Variants in MTA3 observed in about 807,000 individuals in gnomAD.
MTA3 encodes metastasis associated 1 family member 3.
In MTA3, 34 loss-of-function variants were observed where a neutral mutation model predicts 83.5. The ratio of observed to expected loss-of-function variants is 0.41; its 90% CI spans 0.31 to 0.54. The LOEUF is 0.54. Among genes scored for constraint, MTA3 ranks in the 20% least tolerant of loss-of-function variants. The pLI is 0.33. For missense variants in MTA3, 761 were observed against 726.4 expected, an observed-to-expected ratio of 1.05 and a Z score of -0.55; for synonymous variants, 303 against 252.7, an observed-to-expected ratio of 1.20 and a Z score of -1.89.
At chr2:42,667,616 A>T (rs1158752371) in intron 8 of MTA3, among the ~76,000 whole-genome samples, 13,566 of 67,826 alleles carry the variant, frequency 0.2, 887 homozygotes, top group South Asian at 0.31. Context: ...GTGTATAGAG[A>T]GAGAAAGAGA....
intron 9 of MTA3, among the ~76,000 whole-genome samples, chr2:42,690,060 G>A (rs1692740251): frequency 6.6e-6 from 1 of 152,066 alleles, no homozygotes; most frequent in South Asian, 2.1e-4. Flanking sequence ...ACTGAAGCGA[G>A]AGGATCACTT....
chr2:42,707,927 C>T lies in MTA3; in HGVS notation c.1175C>T (p.Ser392Phe). ...CYATQSHQWY[S>F]WGPPNMQCRL... is the part of the protein sequence containing the mutation. Reference sequence around the variant, plus strand: ...GCTACACAGTCTCACCAGTGGTATTCTTGGGGCCCACCTAATATGCAGTGT... The same window carrying T: ...GCTACACAGTCTCACCAGTGGTATTTTTGGGGCCCACCTAATATGCAGTGT... Residue 392 changes from serine (S) to phenylalanine (F), a missense_variant, in exon 13 of 17, where the codon TCT (serine) becomes TTT (phenylalanine). Physicochemically the swap from Ser to Phe is radical, Grantham distance 155 (BLOSUM62 -2). Coordinates refer to ENST00000405094, the MANE Select transcript of MTA3 (RefSeq NM_001330442.2). 6.2e-7 allele frequency: 1 copy of T among 1,600,452 alleles called. No individual in the cohort carries two copies. Among genetic ancestry groups the T allele is most frequent in the Non-Finnish European group, 8.5e-7 (1 of 1,175,760 alleles).
At chr2:42,606,878 G>C (rs928225038) in intron 3 of MTA3, among the ~76,000 whole-genome samples, 1 of 147,808 alleles carries the variant, frequency 6.8e-6, no homozygotes, top group African/African-American at 2.5e-5. Context: ...AGGGGCTGGA[G>C]ACCGGCCTGG....
intron 2 of MTA3, among the ~76,000 whole-genome samples, chr2:42,507,052 G>A (rs1674667606): frequency 6.6e-6 from 1 of 152,124 alleles, no homozygotes; most frequent in Non-Finnish European, 1.5e-5. Context: ...TAGCATGCGT[G>A]ATCACGCTTG....
At chr2:42,600,334 A>C (rs1682407645) in intron 3 of MTA3, among the ~76,000 whole-genome samples, 1 of 152,210 alleles carries the variant, frequency 6.6e-6, no homozygotes, top group African/African-American at 2.4e-5. Context: ...GTACTATAGC[A>C]GATGGTTGCA....
chr2:42,547,672 T>G (rs1676819661), intron 2 of MTA3, among the ~76,000 whole-genome samples: 1 of 152,200 alleles, frequency 6.6e-6, no homozygotes, highest in South Asian at 2.1e-4. Context: ...AAGTATGGCT[T>G]CTGGGACTGG....
intron 10 of MTA3, among the ~76,000 whole-genome samples, 197 bp from the exon 11 acceptor site, chr2:42,697,579 A>T (rs1482535526): frequency 6.6e-6 from 1 of 152,206 alleles, no homozygotes; most frequent in African/African-American, 2.4e-5. Context: ...ATTAATACTT[A>T]AAGTTGTGTA....
At chr2:42,497,798 A>G (rs1002890992) in intron 2 of MTA3, among the ~76,000 whole-genome samples, 12 of 152,220 alleles carry the variant, frequency 7.9e-5, no homozygotes, top group African/African-American at 1.7e-4. Flanking sequence ...AGCTCAGTGC[A>G]TGACACTAGA....
intron 2 of MTA3, among the ~76,000 whole-genome samples, chr2:42,540,451 C>T (rs1676468445): frequency 6.6e-6 from 1 of 151,874 alleles, no homozygotes. Flanking sequence ...TGGGATTAGA[C>T]ATAAGCCACA....
chr2:42,543,856 T>C (rs1332237726), intron 2 of MTA3, among the ~76,000 whole-genome samples: 2 of 151,902 alleles, frequency 1.3e-5, no homozygotes, highest in African/African-American at 2.4e-5. Flanking sequence ...ATATATTTTG[T>C]TCATTTGTTT....
intron 11 of MTA3, chr2:42,698,443 C>G (rs1439875017): frequency 6.6e-6 from 1 of 151,478 alleles, no homozygotes; most frequent in East Asian, 1.9e-4. Context: ...CGCCTATAAT[C>G]CCAGCACTTT....
At chr2:42,671,125 G>A (rs1289913064) in intron 8 of MTA3, among the ~76,000 whole-genome samples, 4 of 152,040 alleles carry the variant, frequency 2.6e-5, no homozygotes, top group Admixed American at 1.3e-4. Flanking sequence ...AAGAGTGCAG[G>A]CCACTTATTT....
At chr2:42,654,728 C>T (rs1689008201) in intron 6 of MTA3, among the ~76,000 whole-genome samples, 1 of 152,176 alleles carries the variant, frequency 6.6e-6, no homozygotes, top group Admixed American at 6.5e-5. Flanking sequence ...AGCCTTTCCA[C>T]CTCAGCTTCC....
At chr2:42,566,919 T>C (rs1175943246), upstream of MTA3, among the ~76,000 whole-genome samples, 1 of 152,188 alleles carries the variant, frequency 6.6e-6, no homozygotes, top group Non-Finnish European at 1.5e-5. Flanking sequence ...TACTGTGTGA[T>C]TCCAGGTGAA....
At chr2:42,556,632 C>A (rs1195147584) in intron 2 of MTA3, among the ~76,000 whole-genome samples, 1 of 152,146 alleles carries the variant, frequency 6.6e-6, no homozygotes, top group Admixed American at 6.6e-5. Flanking sequence ...AAAGCTCGAC[C>A]AAGATGGAGA....
chr2:42,549,586 T>C (rs1677005719), intron 2 of MTA3, among the ~76,000 whole-genome samples: 1 of 118,596 alleles, frequency 8.4e-6, no homozygotes, highest in Non-Finnish European at 1.6e-5. Flanking sequence ...ATATATAATA[T>C]ATTATATACA....
At chr2:42,579,084 CTT>C (rs755917579) in intron 2 of MTA3, 21 bp from the exon 3 acceptor site, 63 of 1,530,480 alleles carry the variant, frequency 4.1e-5, no homozygotes, top group East Asian at 9.1e-5. Flanking sequence ...GTGCAAATGA[CTT>C]TTATTTTTCT....
chr2:42,677,543 G>A (rs186796657), intron 8 of MTA3, among the ~76,000 whole-genome samples: 8 of 151,868 alleles, frequency 5.3e-5, no homozygotes, highest in South Asian at 2.1e-4. Context: ...GGTTTTCGCC[G>A]TGTTGTCCAG....
At chr2:42,631,426 G>GAATC (rs1332659668) in intron 4 of MTA3, among the ~76,000 whole-genome samples, 1 of 152,116 alleles carries the variant, frequency 6.6e-6, no homozygotes, top group African/African-American at 2.4e-5. Flanking sequence ...TCTTCAACCA[G>GAATC]AATCACAGTG....
Sources: gnomAD v4.1 joint callset for allele counts (sites outside exome capture counted in the v4.1 genomes callset) on GRCh38, gnomAD v4.1.1 for gene constraint, MANE v1.5 for transcripts, NCBI Gene and HGNC (gene_info 2026-07-23, HGNC 2026-07-21) for gene names.